Variants in MAP2K3 observed in about 807,000 individuals in gnomAD.
MAP2K3 encodes mitogen-activated protein kinase kinase 3.
In MAP2K3, 30 loss-of-function variants were observed where a neutral mutation model predicts 46.4. The ratio of observed to expected loss-of-function variants is 0.65; its 90% CI spans 0.48 to 0.88. The LOEUF is 0.88. Ranked by LOEUF, MAP2K3 falls within the 40% of genes least tolerant of loss-of-function variation. MAP2K3 has a pLI of 0.00. For synonymous variants in MAP2K3, 189 were observed against 176.3 expected, an observed-to-expected ratio of 1.07 and a Z score of -0.57; for missense variants, 380 against 464.5, an observed-to-expected ratio of 0.82 and a Z score of 1.67.
chr17:21,284,894 C>T lies in MAP2K3; in HGVS notation c.-27C>T, dbSNP rs771764332. 2 of 1,611,462 alleles carry T rather than the reference C, an allele frequency of 1.2e-6. No individual in the cohort carries two copies. Among genetic ancestry groups the T allele is most frequent in the South Asian group, 1.1e-5 (1 of 90,782 alleles). ...GCCCGCAGTCCTCTAGATTAGTCTC[C>T]ACCGCCGTCCAGGACCCACTTGCAG... is the stretch of plus-strand genomic sequence containing the variant. On this transcript the variant is annotated 5_prime_UTR_variant, in exon 1 of 12. Transcript: ENST00000342679.
intron 1 of MAP2K3, among the ~76,000 whole-genome samples, chr17:21,297,603 GCT>G (rs1241436756): frequency 6.6e-6 from 1 of 152,310 alleles, no homozygotes; most frequent in Admixed American, 6.5e-5. Flanking sequence ...ACTACAGGGA[GCT>G]CTCTCTGCAT....
intron 1 of MAP2K3, among the ~76,000 whole-genome samples, chr17:21,297,470 A>T (rs1785518836): frequency 1.3e-5 from 2 of 152,306 alleles, no homozygotes; most frequent in African/African-American, 2.4e-5. Flanking sequence ...GGTCTCCGGG[A>T]GCCGTGTCAC....
At chr17:21,289,269 C>T (rs371249348) in intron 1 of MAP2K3, among the ~76,000 whole-genome samples, 146 of 152,300 alleles carry the variant, frequency 9.6e-4, no homozygotes, top group African/African-American at 3.4e-3. Flanking sequence ...AGAGCTGGGG[C>T]CTGCTCCTGC....
chr17:21,307,467 G>A (rs1315398656), intron 9 of MAP2K3, among the ~76,000 whole-genome samples: 3 of 152,238 alleles, frequency 2.0e-5, no homozygotes, highest in African/African-American at 7.2e-5. Context: ...CCTGAGGGCA[G>A]GGTAGACCAG....
In MAP2K3 at chr17:21,300,909, G is replaced by T. The variant is rs1417239554; in HGVS notation, c.315G>T (p.Lys105Asn). 4 of 1,614,108 alleles carry T rather than the reference G, an allele frequency of 2.5e-6. No individual in the cohort carries two copies. The highest frequency in any genetic ancestry group is 1.1e-5 in the South Asian group (1 of 91,096). Residue 105 changes from lysine (K) to asparagine (N), a missense_variant, in exon 5 of 12, where the codon AAG becomes AAT. Lys to Asn is a moderately conservative substitution (Grantham distance 94). This residue lies in a region of MAP2K3 where 294 missense variants were observed against 275.4 expected (regional missense o/e 1.07). Transcript: ENST00000342679. ...IRATVNSQEQ[K>N]RLLMDLDINM... Reference sequence around the variant, plus strand: ...CCACCGTGAACTCACAGGAGCAGAAGCGGCTGCTCATGGACCTGGACATCA... The same window carrying T: ...CCACCGTGAACTCACAGGAGCAGAATCGGCTGCTCATGGACCTGGACATCA...
At chr17:21,298,752 G>C in intron 2 of MAP2K3, 126 bp from the exon 3 acceptor site, 1 of 1,420,624 alleles carries the variant, frequency 7.0e-7, no homozygotes, top group Non-Finnish European at 9.8e-7. Flanking sequence ...GAGGTGGCCG[G>C]AGAAGGCGCC....
At chr17:21,301,999 TG>T in intron 5 of MAP2K3, 143 bp from the exon 6 acceptor site, 1 of 752,312 alleles carries the variant, frequency 1.3e-6, no homozygotes, top group Non-Finnish European at 2.2e-6. Flanking sequence ...GGGTGGTGGG[TG>T]GGAGCCCGGT....
intron 3 of MAP2K3, 139 bp from the exon 4 acceptor site, chr17:21,300,406 C>G (rs532510198): frequency 2.4e-6 from 2 of 846,596 alleles, no homozygotes; most frequent in East Asian, 5.3e-5. Flanking sequence ...GGTCACACAG[C>G]AGGGAGCGGT....
intron 5 of MAP2K3, 75 bp from the exon 6 acceptor site, chr17:21,302,068 G>A: frequency 2.1e-6 from 3 of 1,447,650 alleles, no homozygotes; most frequent in East Asian, 2.3e-5. Context: ...TGGGGCTGGT[G>A]CTGGGGCAGG....
chr17:21,286,887 C>CT (rs1204917307), intron 1 of MAP2K3, among the ~76,000 whole-genome samples: 2 of 152,318 alleles, frequency 1.3e-5, no homozygotes, highest in Admixed American at 1.3e-4. Flanking sequence ...TCTTTGGGGT[C>CT]TGGGGAAGGA....
In MAP2K3 at chr17:21,314,474, A is replaced by C; in HGVS notation, c.*244A>C. 3.7e-6 allele frequency: 2 copies of C among 537,658 alleles called. No individual in the cohort carries two copies. Among genetic ancestry groups the C allele is most frequent in the Non-Finnish European group, 6.7e-6 (2 of 297,570 alleles). The allele number at this position is 537,658 out of a possible 1,614,324, so 33.3% of individuals were successfully genotyped here. On this transcript the variant is annotated 3_prime_UTR_variant, in exon 12 of 12. Coordinates refer to ENST00000342679, the MANE Select transcript of MAP2K3 (RefSeq NM_145109.3). ...AGTGCCTCTCCCTGCTGCTCCTAGG[A>C]CCCGTCTCCAGCTGCTGAGATCCTG...
chr17:21,298,977 G>T (rs761151319), intron 3 of MAP2K3, 51 bp downstream of exon 3: 1 of 1,612,906 alleles, frequency 6.2e-7, no homozygotes, highest in Non-Finnish European at 8.5e-7. Flanking sequence ...CCTGACGAGC[G>T]GGTAGAGCTG....
chr17:21,285,530 T>C (rs1350668341), intron 1 of MAP2K3, among the ~76,000 whole-genome samples: 1 of 151,932 alleles, frequency 6.6e-6, no homozygotes, highest in Non-Finnish European at 1.5e-5. Context: ...CGTCCTTCTC[T>C]CCCCCAGCTC....
chr17:21,305,046 T>C lies in MAP2K3; in HGVS notation c.697-5T>C, dbSNP rs1003145163. On this transcript the variant is annotated splice_polypyrimidine_tract_variant and splice_region_variant and intron_variant, in intron 8 of 11. Transcript: ENST00000342679. ...GTGTTCACGCCTCACTCTTCCCTCC[T>C]GCAGCCTGAGAGGATCAACCCAGAG... 4.3e-6 allele frequency: 7 copies of C among 1,614,200 alleles called. No individual in the cohort carries two copies. The highest frequency in any genetic ancestry group is 3.3e-5 in the Admixed American group (2 of 60,018).
intron 10 of MAP2K3, 115 bp from the exon 11 acceptor site, chr17:21,313,377 G>A (rs1977253593): frequency 6.5e-6 from 5 of 772,304 alleles, no homozygotes; most frequent in Non-Finnish European, 8.8e-6. Flanking sequence ...TTCTTCCCTG[G>A]GTGCACGTGT....
Position 21,302,273 on chromosome 17 carries a change from G to A in MAP2K3, c.516+14G>A, listed in dbSNP as rs1211311876. ...ATTGCTGTGTCTGTGAGTGGCCTGG[G>A]TGGGCTGGCGGGGGGTCCTAGGTGC... On this transcript the variant is annotated intron_variant, in intron 6 of 11. Coordinates refer to ENST00000342679, the MANE Select transcript of MAP2K3 (RefSeq NM_145109.3). 2 of 1,612,648 alleles carry A rather than the reference G, an allele frequency of 1.2e-6. No individual in the cohort carries two copies. The highest frequency in any genetic ancestry group is 1.3e-5 in the African/African-American group (1 of 74,930).
intron 9 of MAP2K3, among the ~76,000 whole-genome samples, chr17:21,305,573 A>T (rs1262683934): frequency 6.6e-6 from 1 of 152,266 alleles, no homozygotes; most frequent in Non-Finnish European, 1.5e-5. Flanking sequence ...GGGCCTGTGG[A>T]AGCCAAAGGC....
chr17:21,313,515 G>A lies in MAP2K3; in HGVS notation c.938G>A (p.Arg313His), dbSNP rs376163246. Residue 313 changes from arginine (R) to histidine (H), a missense_variant, in exon 11 of 12, where the codon CGT becomes CAT. This residue lies in a region of MAP2K3 where 63 missense variants were observed against 81.6 expected (regional missense o/e 0.77). Transcript: ENST00000342679. Reference protein sequence around the residue: ...AQCLRKNPAERMSYLELMEHP... With the variant: ...AQCLRKNPAEHMSYLELMEHP... The stretch of plus-strand genomic sequence containing the variant: ...AGCCTGAGGAAGAACCCCGCAGAGC[G>A]TATGAGCTACCTGGAGCTGATGGTG... 3.3e-6 allele frequency: 5 copies of A among 1,501,056 alleles called. No individual in the cohort carries two copies. Among genetic ancestry groups the A allele is most frequent in the Non-Finnish European group, 4.5e-6 (5 of 1,110,502 alleles). The allele number at this position is 1,501,056 out of a possible 1,614,324, so 93.0% of individuals were successfully genotyped here. A position where few individuals can be genotyped will look rare whatever the true frequency, so the allele number is the denominator to read the frequency against.
chr17:21,314,134 C>T lies in MAP2K3; in HGVS notation c.961-13C>T. 6.2e-7 allele frequency: 1 copy of T among 1,610,180 alleles called. No individual in the cohort carries two copies. The highest frequency in any genetic ancestry group is 8.5e-7 in the Non-Finnish European group (1 of 1,176,492). ...TACCCCTCCATGGTGACTGTGCCTT[C>T]TGTCACCCCCAGGAGCACCCCTTCT... On this transcript the variant is annotated splice_polypyrimidine_tract_variant and intron_variant, in intron 11 of 11. Coordinates refer to ENST00000342679, the MANE Select transcript of MAP2K3 (RefSeq NM_145109.3).
Sources: allele counts gnomAD v4.1 joint callset (sites outside exome capture counted in the v4.1 genomes callset), GRCh38; gene constraint gnomAD v4.1.1; regional missense constraint gnomAD v4.1.1; transcripts MANE v1.5; gene names NCBI Gene and HGNC (gene_info 2026-07-23, HGNC 2026-07-21).